FABP6: variants seen among roughly 807,000 people sequenced by gnomAD.
FABP6 encodes the protein fatty acid binding protein 6.
FABP6 carries 13 observed loss-of-function variants against 14.9 expected under a neutral mutation model. That is an observed-to-expected ratio of 0.87 (90% CI 0.57 to 1.39). The LOEUF is 1.39. Ranked by LOEUF, FABP6 falls within the 40% of genes most tolerant of loss-of-function variation. FABP6 has a pLI of 0.00. For missense variants in FABP6, 161 were observed against 167.2 expected, an observed-to-expected ratio of 0.96 and a Z score of 0.20; for synonymous variants, 75 against 63.6, an observed-to-expected ratio of 1.18 and a Z score of -0.85.
intron 2 of FABP6, among the ~76,000 whole-genome samples, chr5:160,199,521 G>T (rs1314650620): frequency 2.0e-5 from 3 of 152,162 alleles, no homozygotes; most frequent in African/African-American, 7.2e-5. Flanking sequence ...CCACCAGAGG[G>T]CGCGCCAGGT....
Position 160,223,332 on chromosome 5 carries a change from C to CCCTTCCTTCCTTCCTTCCTTCTTT in FABP6, c.136-6193_136-6192insTTTCCTTCCTTCCTTCCTTCCTTC. Among the ~76,000 whole-genome samples, 3 of 93,406 alleles carry CCCTTCCTTCCTTCCTTCCTTCTTT rather than the reference C, an allele frequency of 3.2e-5. No homozygotes were observed. In the South Asian group the frequency reaches 1.3e-3, roughly 41 times the overall value. The allele number at this position is 93,406 out of a possible 152,430, so 61.3% of individuals were successfully genotyped here. A position where few individuals can be genotyped will look rare whatever the true frequency, so the allele number is the denominator to read the frequency against. On this transcript the variant is annotated intron_variant, in intron 3 of 6. Transcript: ENST00000393980. ...TCATATAAGAGTGAATTTTTGCCCG[C>CCCTTCCTTCCTTCCTTCCTTCTTT]CCTTCCTTCCTTCCTTCCTTCCTTC...
At chr5:160,229,650 C>G in intron 1 of FABP6, 26 bp downstream of exon 1, 1 of 1,611,940 alleles carries the variant, frequency 6.2e-7, no homozygotes, top group Non-Finnish European at 8.5e-7. Context: ...GGTATCCCTT[C>G]CTCGGGGTTG....
In FABP6 at chr5:160,203,006, A is replaced by T. The variant is rs1477827104; in HGVS notation, c.51+3849A>T. On this transcript the variant is annotated intron_variant, in intron 2 of 6. Coordinates refer to the FABP6 transcript ENST00000393980. ...AACCTCTGCCTCCCAGGTTCAAGCG[A>T]TTCTCCTGCCTCAGCCTCCCAAGTA... Among the ~76,000 whole-genome samples the T allele has an allele frequency of 2.0e-5, 3 of 149,362 alleles. No individual in the cohort carries two copies. In the East Asian group the frequency reaches 6.1e-4, roughly 30 times the overall value.
chr5:160,207,325 C>G (rs1759789299), intron 2 of FABP6, among the ~76,000 whole-genome samples: 1 of 152,198 alleles, frequency 6.6e-6, no homozygotes, highest in Non-Finnish European at 1.5e-5. Context: ...TTTTTCATGC[C>G]AAACACCCAA....
Position 160,234,812 on chromosome 5 carries a change from C to T in FABP6, c.244-8C>T. The T allele has an allele frequency of 6.3e-7, 1 of 1,597,788 alleles. No individual in the cohort carries two copies. The highest frequency in any genetic ancestry group is 1.3e-5 in the African/African-American group (1 of 74,554). ...CAACCCAGGCTTAATGTTGTGCTTC[C>T]ATTCCAGGCCACTGTGCAGATGGAG... On this transcript the variant is annotated splice_polypyrimidine_tract_variant and splice_region_variant and intron_variant, in intron 2 of 3. Transcript: ENST00000402432.
At chr5:160,199,743 G>A (rs1402630498) in intron 2 of FABP6, among the ~76,000 whole-genome samples, 1 of 152,110 alleles carries the variant, frequency 6.6e-6, no homozygotes, top group Non-Finnish European at 1.5e-5. Context: ...CCCAGTGTCC[G>A]GCGCGGGGAG....
chr5:160,197,186 G>A (rs1326328732), intron 1 of FABP6: 1 of 152,414 alleles, frequency 6.6e-6, no homozygotes, highest in Non-Finnish European at 1.5e-5. Context: ...GGCTCCATAA[G>A]GTGGGAAGAG....
chr5:160,198,835 T>C lies in FABP6; in HGVS notation c.-58-214T>C, dbSNP rs1580899000. On this transcript the variant is annotated intron_variant, in intron 1 of 6. Coordinates refer to the FABP6 transcript ENST00000393980. ...ATCTGAAAACGACCTCTTCAAATAC[T>C]GGCCCATCATCCTGTTGTTCTTTAC... 3 of 492,790 alleles carry C rather than the reference T, an allele frequency of 6.1e-6. No homozygotes were observed. In the East Asian group the frequency reaches 1.0e-4, roughly 17 times the overall value. 30.5% of individuals were successfully genotyped at this position (492,790 alleles called of 1,614,324 possible).
intron 1 of FABP6, among the ~76,000 whole-genome samples, chr5:160,187,757 A>G (rs1759315092): frequency 6.6e-6 from 1 of 151,716 alleles, no homozygotes; most frequent in South Asian, 2.1e-4. Context: ...TTATTTATTT[A>G]TTTATTTATT....
At chr5:160,231,180 G>A (rs1760373540) in intron 1 of FABP6, among the ~76,000 whole-genome samples, 1 of 152,200 alleles carries the variant, frequency 6.6e-6, no homozygotes, top group Non-Finnish European at 1.5e-5. Context: ...GAGGAGTCGA[G>A]AGTCCCTCTG....
At chr5:160,197,954 A>G (rs10679306) in intron 1 of FABP6, 4,905 of 97,382 alleles carry the variant, frequency 0.05, 58 homozygotes, top group African/African-American at 0.073. Context: ...GTGTGTGTGT[A>G]TGTGTGTGTG....
Position 160,238,708 on chromosome 5 carries a change from A to C in FABP6, c.*49A>C. ...CTACAAACCCACCAATAAAACTGAT[A>C]TAAGGACAGACGCTGCTCGCTCCAG... On this transcript the variant is annotated 3_prime_UTR_variant, in exon 4 of 4. Coordinates refer to ENST00000402432, the MANE Select transcript of FABP6 (RefSeq NM_001445.3). The C allele has an allele frequency of 6.4e-7, 1 of 1,573,766 alleles. No individual in the cohort carries two copies. The highest frequency in any genetic ancestry group is 8.7e-7 in the Non-Finnish European group (1 of 1,143,646).
chr5:160,238,580 C>G (rs201244225), intron 3 of FABP6, 26 bp from the exon 4 acceptor site: 1 of 1,612,218 alleles, frequency 6.2e-7, no homozygotes, highest in African/African-American at 1.3e-5. Context: ...GGCACTGACT[C>G]CCTCTGTCCC....
At chr5:160,207,450 T>C (rs1264747742) in intron 2 of FABP6, among the ~76,000 whole-genome samples, 1 of 152,236 alleles carries the variant, frequency 6.6e-6, no homozygotes, top group Non-Finnish European at 1.5e-5. Context: ...TTCTTTTGTT[T>C]CTTTTTTATA....
intron 3 of FABP6, among the ~76,000 whole-genome samples, chr5:160,216,415 G>A (rs888703376): frequency 6.6e-6 from 1 of 151,862 alleles, no homozygotes; most frequent in African/African-American, 2.4e-5. Flanking sequence ...TTACAGGCAC[G>A]TGCCACCATG....
At chr5:160,193,455 G>A (rs969766251) in intron 1 of FABP6, among the ~76,000 whole-genome samples, 2 of 152,128 alleles carry the variant, frequency 1.3e-5, no homozygotes, top group African/African-American at 2.4e-5. Context: ...TGCGACTGCT[G>A]GCTCAGGCAG....
At chr5:160,200,193 G>A (rs972137311) in intron 2 of FABP6, among the ~76,000 whole-genome samples, 1 of 152,170 alleles carries the variant, frequency 6.6e-6, no homozygotes, top group African/African-American at 2.4e-5. Context: ...TTAGGATTAT[G>A]GGAGAACACA....
chr5:160,233,111 A>T (rs2113144312), intron 2 of FABP6, among the ~76,000 whole-genome samples: 1 of 150,654 alleles, frequency 6.6e-6, no homozygotes, highest in South Asian at 2.1e-4. Context: ...CCTCCTGAGT[A>T]GCTGGGATTA....
chr5:160,195,485 C>T (rs1049692650), intron 1 of FABP6, among the ~76,000 whole-genome samples: 27 of 151,860 alleles, frequency 1.8e-4, no homozygotes, highest in Non-Finnish European at 3.7e-4. Context: ...GACAGGGACA[C>T]GTTCTGTGGC....
Sources: allele counts gnomAD v4.1 joint callset (sites outside exome capture counted in the v4.1 genomes callset), GRCh38; gene constraint gnomAD v4.1.1; transcripts MANE v1.5; gene names NCBI Gene and HGNC (gene_info 2026-07-23, HGNC 2026-07-21).